RAD51B: variants seen among roughly 807,000 people sequenced by gnomAD.
RAD51B encodes DNA repair protein RAD51 homolog 2.
Under a neutral mutation model 42.2 loss-of-function variants are expected in RAD51B, and 38 were observed. The observed-to-expected ratio is 0.90, with a 90% CI of 0.70 to 1.18. The LOEUF is 1.18. Ranked by LOEUF, RAD51B falls within the 50% of genes most tolerant of loss-of-function variation. The pLI is 0.00. For missense variants in RAD51B, 373 were observed against 400.7 expected (o/e 0.93, Z 0.59); for synonymous variants, 154 against 145.2 (o/e 1.06, Z -0.43).
At chr14:68,400,442 C>T (rs928010047) in intron 8 of RAD51B, among the ~76,000 whole-genome samples, 2 of 152,196 alleles carry the variant, frequency 1.3e-5, no homozygotes, top group Non-Finnish European at 2.9e-5. Context: ...GAATCAGCAG[C>T]TGTATTCATT....
chr14:68,346,944 G>T (rs1282089306), intron 8 of RAD51B, among the ~76,000 whole-genome samples: 1 of 151,848 alleles, frequency 6.6e-6, no homozygotes. Flanking sequence ...TTCCCCTCTT[G>T]CCTTCCCTCT....
At chr14:68,320,908 A>T (rs750630897) in intron 8 of RAD51B, among the ~76,000 whole-genome samples, 41 of 152,268 alleles carry the variant, frequency 2.7e-4, no homozygotes, top group Admixed American at 1.6e-3. Flanking sequence ...ATAGGGTCAC[A>T]CTAGAACACT....
chr14:68,535,981 TATAG>T (rs1322197728), intron 10 of RAD51B, among the ~76,000 whole-genome samples: 1 of 152,050 alleles, frequency 6.6e-6, no homozygotes, highest in African/African-American at 2.4e-5. Context: ...AAAAGAAGGA[TATAG>T]AGGTCCCACA....
chr14:68,222,999 C>A (rs1246315036), intron 7 of RAD51B, among the ~76,000 whole-genome samples: 1 of 152,138 alleles, frequency 6.6e-6, no homozygotes, highest in Non-Finnish European at 1.5e-5. Context: ...CCCACGTGTC[C>A]AAGTGTCTGC....
intron 10 of RAD51B, among the ~76,000 whole-genome samples, chr14:68,486,647 T>C (rs993136635): frequency 1.3e-5 from 2 of 152,224 alleles, no homozygotes; most frequent in Non-Finnish European, 2.9e-5. Context: ...TTTGCAGTGA[T>C]TATTCTGACC....
At chr14:68,494,121 CA>C (rs979256133) in intron 10 of RAD51B, among the ~76,000 whole-genome samples, 2 of 150,610 alleles carry the variant, frequency 1.3e-5, no homozygotes, top group African/African-American at 2.4e-5. Context: ...ACTAAAAATA[CA>C]AAAAAAAATT....
chr14:68,278,433 G>A (rs1056518803), intron 7 of RAD51B, among the ~76,000 whole-genome samples: 1 of 152,196 alleles, frequency 6.6e-6, no homozygotes, highest in Non-Finnish European at 1.5e-5. Context: ...TTACGATGAG[G>A]ATGAAAGGAG....
chr14:68,617,228 A>T (rs1204566894), intron 10 of RAD51B, among the ~76,000 whole-genome samples: 1 of 152,188 alleles, frequency 6.6e-6, no homozygotes, highest in Non-Finnish European at 1.5e-5. Context: ...TCCAGCAGGC[A>T]GTTACTTATG....
At chr14:67,995,611 CTT>C (rs759241351) in intron 7 of RAD51B, among the ~76,000 whole-genome samples, 12 of 141,986 alleles carry the variant, frequency 8.5e-5, no homozygotes, top group African/African-American at 2.6e-4. Flanking sequence ...ATTTTATATT[CTT>C]TTTTTTTTTT....
chr14:67,925,604 G>A (rs933159554), intron 7 of RAD51B, among the ~76,000 whole-genome samples: 2 of 152,110 alleles, frequency 1.3e-5, no homozygotes, highest in African/African-American at 2.4e-5. Flanking sequence ...GAGGATGGTG[G>A]CCATCTTCTC....
chr14:68,260,292 A>G lies in RAD51B; in HGVS notation c.757-31592A>G, dbSNP rs1304895440. Among the ~76,000 whole-genome samples the G allele has an allele frequency of 2.2e-4, 5 of 23,128 alleles. No individual in the cohort carries two copies. In the East Asian group the frequency reaches 4.5e-3, roughly 21 times the overall value. 15.2% of individuals were successfully genotyped at this position (23,128 alleles called of 152,430 possible). ...AACAAAAAGAGGGCCAGTGTGGCTG[A>G]GAGACCGTGTGTGTGTGTGTGTGTG... On this transcript the variant is annotated intron_variant, in intron 7 of 10. Coordinates refer to ENST00000471583, the MANE Select transcript of RAD51B (RefSeq NM_133510.4).
At chr14:67,962,903 A>G (rs2074699054) in intron 7 of RAD51B, among the ~76,000 whole-genome samples, 1 of 152,270 alleles carries the variant, frequency 6.6e-6, no homozygotes, top group African/African-American at 2.4e-5. Flanking sequence ...GGAATGAGAG[A>G]TTATTAATCT....
chr14:68,528,532 T>A (rs1887080274), intron 10 of RAD51B, among the ~76,000 whole-genome samples: 1 of 152,320 alleles, frequency 6.6e-6, no homozygotes, highest in South Asian at 2.1e-4. Context: ...CTGTTAAAAT[T>A]CATATTACTA....
At chr14:68,390,201 T>C (rs1024671527) in intron 8 of RAD51B, among the ~76,000 whole-genome samples, 2 of 152,222 alleles carry the variant, frequency 1.3e-5, no homozygotes, top group Admixed American at 6.5e-5. Context: ...AAATCCATTG[T>C]TGTGGATATA....
At chr14:67,914,886 AT>A (rs1368976378) in intron 7 of RAD51B, among the ~76,000 whole-genome samples, 1 of 152,212 alleles carries the variant, frequency 6.6e-6, no homozygotes, top group Non-Finnish European at 1.5e-5. Flanking sequence ...CAGCTGTCAT[AT>A]TGTAAACAAG....
chr14:68,392,931 G>A (rs2083801337), intron 8 of RAD51B, among the ~76,000 whole-genome samples: 1 of 152,164 alleles, frequency 6.6e-6, no homozygotes, highest in Admixed American at 6.5e-5. Context: ...TAGGACATGT[G>A]TGTGTTTGGA....
Position 67,893,546 on chromosome 14 carries a change from C to G in RAD51B, c.756+6342C>G, listed in dbSNP as rs548492995. ...ATTAGCTGGGTGTGGTGCTACACAC[C>G]TGTAGTCACAGCTACTTGGGAGGCT... On this transcript the variant is annotated intron_variant, in intron 7 of 10. Coordinates refer to ENST00000471583, the MANE Select transcript of RAD51B (RefSeq NM_133510.4). Among the ~76,000 whole-genome samples the G allele has an allele frequency of 2.6e-4, 40 of 150,970 alleles. 2 individuals carry two copies. The South Asian group carries it at 8.2e-3, about 31-fold the overall frequency.
intron 10 of RAD51B, among the ~76,000 whole-genome samples, chr14:68,488,516 T>C (rs1272966626): frequency 6.6e-6 from 1 of 152,172 alleles, no homozygotes; most frequent in Non-Finnish European, 1.5e-5. Flanking sequence ...CCCCACCCTT[T>C]GTATTTGATC....
intron 9 of RAD51B, among the ~76,000 whole-genome samples, chr14:68,426,356 G>A (rs541089392): frequency 2.0e-4 from 30 of 152,022 alleles, no homozygotes; most frequent in African/African-American, 6.8e-4. Flanking sequence ...GATTACAGGC[G>A]TGAGCCACCG....
Sources: allele counts gnomAD v4.1 joint callset (sites outside exome capture counted in the v4.1 genomes callset), GRCh38; gene constraint gnomAD v4.1.1; transcripts MANE v1.5; gene names NCBI Gene and HGNC (gene_info 2026-07-23, HGNC 2026-07-21).